DOCK5: variants seen among roughly 807,000 people sequenced by gnomAD.
The protein encoded by DOCK5 is dedicator of cytokinesis 5.
Under a neutral mutation model 251.8 loss-of-function variants are expected in DOCK5, and 142 were observed. The ratio of observed to expected loss-of-function variants is 0.56; its 90% CI spans 0.49 to 0.65. The LOEUF (loss-of-function observed/expected upper bound fraction) is 0.65. Among genes scored for constraint, DOCK5 ranks in the 30% least tolerant of loss-of-function variants. The pLI is 0.00. For synonymous variants in DOCK5, 842 were observed against 835.5 expected, an observed-to-expected ratio of 1.01 and a Z score of -0.13; for missense variants, 2,111 against 2,312.3, an observed-to-expected ratio of 0.91 and a Z score of 1.79.
chr8:25,230,119 C>T (rs985133647), intron 1 of DOCK5, among the ~76,000 whole-genome samples: 2 of 152,156 alleles, frequency 1.3e-5, no homozygotes, highest in Admixed American at 6.5e-5. Context: ...TGTAATACTG[C>T]AGACCTCTTA....
intron 29 of DOCK5, among the ~76,000 whole-genome samples, chr8:25,364,413 G>T (rs1800740611): frequency 6.6e-6 from 1 of 152,160 alleles, no homozygotes; most frequent in Non-Finnish European, 1.5e-5. Flanking sequence ...ATTGGGATGT[G>T]GCCCTGAGTG....
intron 1 of DOCK5, among the ~76,000 whole-genome samples, chr8:25,195,758 T>A (rs1250587260): frequency 1.3e-5 from 2 of 152,212 alleles, no homozygotes; most frequent in Non-Finnish European, 2.9e-5. Flanking sequence ...CCTCACAATG[T>A]CTAGCCCTTT....
At chr8:25,277,463 A>G (rs1218603629) in intron 4 of DOCK5, 3 of 152,330 alleles carry the variant, frequency 2.0e-5, no homozygotes, top group Non-Finnish European at 4.4e-5. Flanking sequence ...CACCAAGAGC[A>G]CAGAGGTCTT....
intron 31 of DOCK5, among the ~76,000 whole-genome samples, chr8:25,367,547 A>T (rs758937049): frequency 1.3e-5 from 2 of 152,210 alleles, no homozygotes; most frequent in Non-Finnish European, 2.9e-5. Context: ...GAAGACTTTG[A>T]AATTTTAGTT....
intron 1 of DOCK5, among the ~76,000 whole-genome samples, chr8:25,192,983 A>G (rs1439690092): frequency 3.3e-5 from 5 of 152,228 alleles, no homozygotes; most frequent in Admixed American, 3.3e-4. Context: ...GATTCTGGCT[A>G]GATACTGTTG....
At chr8:25,388,990 A>G in intron 40 of DOCK5, 101 bp from the exon 41 acceptor site, 1 of 1,104,118 alleles carries the variant, frequency 9.1e-7, no homozygotes, top group Non-Finnish European at 1.3e-6. Flanking sequence ...TGGGGATTGA[A>G]CGTTGGCTGG....
chr8:25,405,945 GTTTATTT>G (rs1225055167), intron 48 of DOCK5, among the ~76,000 whole-genome samples: 7 of 152,050 alleles, frequency 4.6e-5, no homozygotes, highest in South Asian at 2.1e-4. Flanking sequence ...AAAAAAGTAT[GTTTATTT>G]TTTATTTTTT....
chr8:25,365,237 G>A (rs1800755749), intron 30 of DOCK5, among the ~76,000 whole-genome samples: 1 of 152,230 alleles, frequency 6.6e-6, no homozygotes, highest in African/African-American at 2.4e-5. Context: ...ACAGGGCCCT[G>A]TTTTGCGCCC....
chr8:25,242,247 G>C (rs549569694), intron 1 of DOCK5, among the ~76,000 whole-genome samples: 1 of 152,084 alleles, frequency 6.6e-6, no homozygotes, highest in Non-Finnish European at 1.5e-5. Context: ...TGGCCGGGGG[G>C]CACCTTTACA....
Position 25,380,378 on chromosome 8 carries a change from G to T in DOCK5, c.4010G>T (p.Gly1337Val). 1 of 1,609,644 alleles carries T rather than the reference G, an allele frequency of 6.2e-7. No individual in the cohort carries two copies. Among genetic ancestry groups the T allele is most frequent in the East Asian group, 2.2e-5 (1 of 44,762 alleles). The change falls in exon 39 of 52, where the codon GGC becomes GTC. Residue 1337 changes from glycine to valine, a missense_variant. Gly to Val is a moderately radical substitution (Grantham distance 109, BLOSUM62 -3). Transcript: ENST00000276440. ...GAAAGCAAAGTATTTGACTACGAGG[G>T]CCTTGGCAACCTCCTGGTGAGTCTG... ...TYESKVFDYE[G>V]LGNLLKKRAS...
At chr8:25,341,252 C>T (rs1805948260) in intron 23 of DOCK5, among the ~76,000 whole-genome samples, 1 of 152,096 alleles carries the variant, frequency 6.6e-6, no homozygotes, top group Non-Finnish European at 1.5e-5. Flanking sequence ...CCTGTTTGAC[C>T]CCATGATTTC....
intron 15 of DOCK5, among the ~76,000 whole-genome samples, chr8:25,320,648 A>G (rs1805399117): frequency 6.6e-6 from 1 of 152,186 alleles, no homozygotes; most frequent in African/African-American, 2.4e-5. Context: ...TCCAATTATT[A>G]CTATATTTAT....
intron 6 of DOCK5, 106 bp from the exon 7 acceptor site, chr8:25,296,407 C>CATCT: frequency 7.1e-7 from 1 of 1,415,796 alleles, no homozygotes. Context: ...GCTTGTCCAG[C>CATCT]ATCTCCCTTT....
At chr8:25,281,439 CAAA>C (rs35716928) in intron 5 of DOCK5, among the ~76,000 whole-genome samples, 11 of 135,642 alleles carry the variant, frequency 8.1e-5, no homozygotes, top group Non-Finnish European at 1.3e-4. Flanking sequence ...AACTCCGTCT[CAAA>C]AAAAAAAAAA....
chr8:25,322,537 A>T (rs1805452008), intron 16 of DOCK5, among the ~76,000 whole-genome samples: 1 of 152,222 alleles, frequency 6.6e-6, no homozygotes, highest in Admixed American at 6.5e-5. Flanking sequence ...GCCAAATATC[A>T]GCCATTTCAT....
chr8:25,269,049 C>T (rs572436932), intron 3 of DOCK5, among the ~76,000 whole-genome samples, 164 bp downstream of exon 3: 1 of 152,284 alleles, frequency 6.6e-6, no homozygotes, highest in East Asian at 1.9e-4. Flanking sequence ...GACCTCAGTG[C>T]CTAAATGTAA....
In DOCK5 at chr8:25,316,999, T is replaced by C. The variant is rs1436561783; in HGVS notation, c.1319-8T>C. 1.9e-6 allele frequency: 3 copies of C among 1,613,654 alleles called. No homozygotes were observed. The African/African-American group carries it at 4.0e-5, about 22-fold the overall frequency. Reference sequence around the variant, plus strand: ...AGCAACACTCACAGCATGCTTATCATGTTGCAGGAGATGTTCGGAATGACA... The same window carrying C: ...AGCAACACTCACAGCATGCTTATCACGTTGCAGGAGATGTTCGGAATGACA... On this transcript the variant is annotated splice_polypyrimidine_tract_variant and splice_region_variant and intron_variant, in intron 13 of 51. Transcript: ENST00000276440.
Position 25,292,134 on chromosome 8 carries a change from C to T in DOCK5, c.432C>T (p.Leu144=). 1 of 1,584,578 alleles carries T rather than the reference C, an allele frequency of 6.3e-7. No homozygotes were observed. Among genetic ancestry groups the T allele is most frequent in the East Asian group, 2.3e-5 (1 of 43,654 alleles). The change falls in exon 6 of 52, where the codon CTC becomes CTT. Residue 144 remains leucine, a synonymous_variant. Coordinates refer to ENST00000276440, the MANE Select transcript of DOCK5 (RefSeq NM_024940.8). ...TCCCCAAGGATGAACTGGCAGAGCTCAAGAAGAAAGTCACAGCCAAAATTG... is the reference window on the plus strand; with the variant it reads ...TCCCCAAGGATGAACTGGCAGAGCTTAAGAAGAAAGTCACAGCCAAAATTG... ...GTLPKDELAE[L]KKKVTAKIDH... is the part of the protein sequence containing the mutation.
Position 25,304,335 on chromosome 8 carries a change from C to A in DOCK5, c.1049+8C>A. On this transcript the variant is annotated splice_region_variant and intron_variant, in intron 11 of 51. Coordinates refer to ENST00000276440, the MANE Select transcript of DOCK5 (RefSeq NM_024940.8). ...TTTTATTCCCTTTCAGCAGTAAGTA[C>A]TTTGGCATGTGTCCCAGGTGACTTG... is the stretch of plus-strand genomic sequence containing the variant. 6.2e-7 allele frequency: 1 copy of A among 1,602,808 alleles called. No homozygotes were observed. The highest frequency in any genetic ancestry group is 1.7e-5 in the Admixed American group (1 of 58,056).
Sources: gnomAD v4.1 joint callset for allele counts (sites outside exome capture counted in the v4.1 genomes callset) on GRCh38, gnomAD v4.1.1 for gene constraint, MANE v1.5 for transcripts, NCBI Gene and HGNC (gene_info 2026-07-23, HGNC 2026-07-21) for gene names.